CDADC1: variants seen among roughly 807,000 people sequenced by gnomAD.
CDADC1 encodes dCTP deaminase.
Under a neutral mutation model 54.9 loss-of-function variants are expected in CDADC1, and 39 were observed. That is an observed-to-expected ratio of 0.71 (90% confidence interval 0.55 to 0.93). The LOEUF (loss-of-function observed/expected upper bound fraction) is 0.93. Among genes scored for constraint, CDADC1 ranks in the 40% least tolerant of loss-of-function variants. The pLI, the probability that CDADC1 is intolerant of heterozygous loss-of-function variation, is 0.00. For missense variants in CDADC1, 518 were observed against 618.8 expected (o/e 0.84, Z 1.73); for synonymous variants, 186 against 204.0 (o/e 0.91, Z 0.75).
chr13:49,250,801 T>G (rs535076048), intron 2 of CDADC1, among the ~76,000 whole-genome samples: 4 of 152,344 alleles, frequency 2.6e-5, no homozygotes, highest in African/African-American at 9.6e-5. Context: ...CCTCCCCCAA[T>G]TCCTATGTGA....
intron 9 of CDADC1, among the ~76,000 whole-genome samples, chr13:49,288,845 T>C (rs1240872466): frequency 6.6e-6 from 1 of 152,132 alleles, no homozygotes; most frequent in Non-Finnish European, 1.5e-5. Flanking sequence ...GTCATGGAGC[T>C]TTCAAGAAAA....
chr13:49,252,606 G>A (rs981596269), intron 2 of CDADC1, among the ~76,000 whole-genome samples: 1 of 152,124 alleles, frequency 6.6e-6, no homozygotes. Flanking sequence ...ATGAAAGGGA[G>A]CATATTGTAC....
rs1416017120 is a variant in CDADC1 at position 49,267,898 on chromosome 13, T to A, written c.839T>A (p.Ile280Asn). 6.2e-7 allele frequency: 1 copy of A among 1,614,176 alleles called. No homozygotes were observed. Among genetic ancestry groups the A allele is most frequent in the African/African-American group, 1.3e-5 (1 of 75,070 alleles). ...SNLRQNMKDL[I>N]LLLATVASSV... is the part of the protein sequence containing the mutation. ...CTAAGGCAAAACATGAAAGACCTTA[T>A]CCTACTTTTGGCCACAGTAGCTTCC... Residue 280 changes from isoleucine (I) to asparagine (N), a missense_variant, in exon 5 of 10, where the codon ATC becomes AAC. Coordinates refer to ENST00000251108, the MANE Select transcript of CDADC1 (RefSeq NM_030911.4).
chr13:49,250,640 T>C (rs1167864693), intron 2 of CDADC1, among the ~76,000 whole-genome samples: 1 of 152,176 alleles, frequency 6.6e-6, no homozygotes, highest in Non-Finnish European at 1.5e-5. Context: ...AGCTTGACAA[T>C]GTAGACAGGA....
chr13:49,259,326 T>C lies in CDADC1; in HGVS notation c.253-20T>C, dbSNP rs149539333. On this transcript the variant is annotated intron_variant, in intron 3 of 9. Transcript: ENST00000251108. ...TTAGGTGTTATAACTAATAAGTTGT[T>C]ATTTTATATCTTAATGTAGGTAAAG... 3.5e-3 allele frequency: 5,401 copies of C among 1,542,276 alleles called. 9 individuals carry two copies. Among genetic ancestry groups the C allele is most frequent in the Middle Eastern group, 8.1e-3 (47 of 5,810 alleles).
At chr13:49,251,503 C>T (rs1036441941) in intron 2 of CDADC1, among the ~76,000 whole-genome samples, 2 of 150,952 alleles carry the variant, frequency 1.3e-5, no homozygotes, top group Admixed American at 6.6e-5. Flanking sequence ...GATGTGATCT[C>T]GTTTTAGTTC....
intron 6 of CDADC1, among the ~76,000 whole-genome samples, chr13:49,274,761 G>A (rs971068143): frequency 1.3e-5 from 2 of 152,108 alleles, no homozygotes; most frequent in South Asian, 2.1e-4. Flanking sequence ...CTAGATAGAC[G>A]CATTCATTCA....
chr13:49,260,746 C>G (rs1952664175), intron 4 of CDADC1, among the ~76,000 whole-genome samples: 1 of 152,096 alleles, frequency 6.6e-6, no homozygotes, highest in African/African-American at 2.4e-5. Context: ...ACAAAAAAAA[C>G]TAATGTGGTT....
chr13:49,267,356 T>C (rs1952839104), intron 4 of CDADC1, 134 bp from the exon 5 acceptor site: 5 of 775,882 alleles, frequency 6.4e-6, no homozygotes, highest in Admixed American at 3.0e-5. Flanking sequence ...TCAGGCTATA[T>C]AATAGGTGAC....
chr13:49,274,400 T>A (rs530606658), intron 6 of CDADC1, 60 bp downstream of exon 6: 1 of 1,370,020 alleles, frequency 7.3e-7, no homozygotes, highest in South Asian at 1.2e-5. Context: ...CATAGTTCAG[T>A]CTTCGGTGCA....
chr13:49,257,246 G>C (rs568014779), intron 3 of CDADC1, among the ~76,000 whole-genome samples: 1 of 152,064 alleles, frequency 6.6e-6, no homozygotes, highest in Admixed American at 6.5e-5. Flanking sequence ...AAATAAACTC[G>C]ACCCAAAAGA....
intron 4 of CDADC1, among the ~76,000 whole-genome samples, chr13:49,262,924 A>G (rs1488727618): frequency 6.6e-6 from 1 of 152,212 alleles, no homozygotes; most frequent in Non-Finnish European, 1.5e-5. Context: ...AGTTTTACAT[A>G]AGAAGGTCCT....
intron 6 of CDADC1, among the ~76,000 whole-genome samples, chr13:49,275,777 A>G (rs1953113180): frequency 1.2e-5 from 1 of 84,792 alleles, no homozygotes; most frequent in Admixed American, 1.2e-4. Context: ...AGAGAGAGAG[A>G]GAGAGAGAGA....
At chr13:49,266,032 C>T in intron 4 of CDADC1, 2 of 1,033,162 alleles carry the variant, frequency 1.9e-6, no homozygotes, top group Non-Finnish European at 2.6e-6. Flanking sequence ...TGCTTTGCAG[C>T]ATAAGCCACA....
At position 49,292,829 on chromosome 13, in the gene CDADC1, G is replaced by C. The variant is rs775794500; in HGVS notation, c.*1072G>C. 2.0e-5 allele frequency: 26 copies of C among 1,272,468 alleles called. 1 individual carries two copies. In the South Asian group the frequency reaches 3.0e-4, roughly 15 times the overall value. 78.8% of individuals were successfully genotyped at this position (1,272,468 alleles called of 1,614,324 possible). On this transcript the variant is annotated 3_prime_UTR_variant, in exon 10 of 10. Coordinates refer to ENST00000251108, the MANE Select transcript of CDADC1 (RefSeq NM_030911.4). ...TCATGAGAAATGTCTTCCTGGATCT[G>C]CGGTGGTCAGGTTTGCCTCTGCTTT...
At position 49,267,473 on chromosome 13, in the gene CDADC1, C is replaced by A; in HGVS notation, c.431-17C>A. Reference sequence around the variant, plus strand: ...CAGCATGTATCTCATAATTACCTTTCGTATTTTGTATTTCAGCTGGAGTTA... The same window carrying A: ...CAGCATGTATCTCATAATTACCTTTAGTATTTTGTATTTCAGCTGGAGTTA... On this transcript the variant is annotated splice_polypyrimidine_tract_variant and intron_variant, in intron 4 of 9. Transcript: ENST00000251108. 6.3e-7 allele frequency: 1 copy of A among 1,594,278 alleles called. No homozygotes were observed. The highest frequency in any genetic ancestry group is 1.1e-5 in the South Asian group (1 of 88,754).
In CDADC1 at chr13:49,287,480, A is replaced by ATCTATCTG. The variant is rs1555316083; in HGVS notation, c.1471+1205_1471+1206insGTCTATCT. On this transcript the variant is annotated intron_variant, in intron 9 of 9. Coordinates refer to ENST00000251108, the MANE Select transcript of CDADC1 (RefSeq NM_030911.4). The stretch of plus-strand genomic sequence containing the variant: ...CAAAAAAGGCTGTATCTATCTATCT[A>ATCTATCTG]TCTATCTATCTATCTATCTATCTAT... 1.5e-3 allele frequency among the ~76,000 whole-genome samples: 205 copies of ATCTATCTG among 139,192 alleles called. 2 individuals are homozygous for ATCTATCTG. Among genetic ancestry groups the ATCTATCTG allele is most frequent in the South Asian group, 8.5e-3 (38 of 4,458 alleles). 91.3% of individuals were successfully genotyped at this position (139,192 alleles called of 152,430 possible).
chr13:49,283,338 G>C (rs1953406235), intron 8 of CDADC1, among the ~76,000 whole-genome samples: 1 of 151,990 alleles, frequency 6.6e-6, no homozygotes, highest in Non-Finnish European at 1.5e-5. Flanking sequence ...TTTAAATGAG[G>C]GGGTGTTGAC....
chr13:49,259,388 G>T lies in CDADC1; in HGVS notation c.295G>T (p.Val99Phe), dbSNP rs943019534. ...TGTGGTGGTGAAAAACATGAAAATT[G>T]TTGGTCTCCACTGTTCTAGTGAAGA... ...GLVVVKNMKI[V>F]GLHCSSEDLH... is the part of the protein sequence containing the mutation. The change falls in exon 4 of 10, where the codon GTT becomes TTT. Residue 99 changes from valine (V) to phenylalanine (F), a missense_variant. Val to Phe is a conservative substitution (Grantham distance 50). Transcript: ENST00000251108. 10 of 1,613,310 alleles carry T rather than the reference G, an allele frequency of 6.2e-6. No individual in the cohort carries two copies. The highest frequency in any genetic ancestry group is 8.5e-6 in the Non-Finnish European group (10 of 1,179,434).
Sources: allele counts gnomAD v4.1 joint callset (sites outside exome capture counted in the v4.1 genomes callset), GRCh38; gene constraint gnomAD v4.1.1; transcripts MANE v1.5; gene names NCBI Gene and HGNC (gene_info 2026-07-23, HGNC 2026-07-21).